EYS: variants seen among roughly 807,000 people sequenced by gnomAD.
The protein encoded by EYS is EGF-like photoreceptor maintenance factor.
In EYS, 250 loss-of-function variants were observed where a neutral mutation model predicts 282.1. The ratio of observed to expected loss-of-function variants is 0.89; its 90% CI spans 0.80 to 0.98. The LOEUF (loss-of-function observed/expected upper bound fraction) is 0.98. Ranked by LOEUF, EYS falls within the 50% of genes least tolerant of loss-of-function variation. The probability of loss-of-function intolerance (pLI) is 0.00; values close to 1 mark genes in which losing one functional copy is unlikely to be tolerated. For missense variants in EYS, 4,016 were observed against 3,709.0 expected (o/e 1.08, Z -2.15); for synonymous variants, 1,355 against 1,282.9 (o/e 1.06, Z -1.20).
At chr6:63,765,774 A>G (rs1361896525) in intron 40 of EYS, among the ~76,000 whole-genome samples, 1 of 151,992 alleles carries the variant, frequency 6.6e-6, no homozygotes, top group Non-Finnish European at 1.5e-5. Context: ...GTACCCATTA[A>G]CCATCCCCAC....
chr6:64,047,209 AATTAT>A (rs1231339850), intron 33 of EYS, among the ~76,000 whole-genome samples: 3 of 152,124 alleles, frequency 2.0e-5, no homozygotes, highest in Admixed American at 1.3e-4. Context: ...AAATTGTGGT[AATTAT>A]ATTATAAACT....
chr6:64,078,135 A>G (rs1232805812), intron 32 of EYS, among the ~76,000 whole-genome samples: 1 of 152,056 alleles, frequency 6.6e-6, no homozygotes, highest in Admixed American at 6.6e-5. Flanking sequence ...TCAGCCTGAT[A>G]GTTCTCTATC....
intron 22 of EYS, among the ~76,000 whole-genome samples, chr6:64,789,001 C>G (rs1774102922): frequency 1.3e-5 from 2 of 152,116 alleles, no homozygotes; most frequent in Non-Finnish European, 2.9e-5. Context: ...TTCAGCACCC[C>G]CATCCAGTTA....
chr6:65,075,130 A>C (rs894065346), intron 12 of EYS, among the ~76,000 whole-genome samples: 2 of 152,002 alleles, frequency 1.3e-5, no homozygotes, highest in African/African-American at 4.8e-5. Context: ...TTTTAAGTTG[A>C]GAACATGAGT....
intron 2 of EYS, 29 bp from the exon 3 acceptor site, chr6:65,496,022 T>C (rs986371975): frequency 1.3e-5 from 2 of 152,344 alleles, no homozygotes; most frequent in African/African-American, 4.8e-5. Flanking sequence ...TAAACACCAT[T>C]TAAACATATT....
chr6:64,725,823 CCTT>C (rs141306837), intron 22 of EYS, among the ~76,000 whole-genome samples: 2,309 of 152,114 alleles, frequency 0.015, 56 homozygotes, highest in African/African-American at 0.052. Flanking sequence ...CAAGCTTTTT[CCTT>C]CTTCTGTTTT....
At chr6:64,045,433 TTTTA>T (rs1281729145) in intron 33 of EYS, among the ~76,000 whole-genome samples, 108 of 147,534 alleles carry the variant, frequency 7.3e-4, no homozygotes, top group African/African-American at 1.8e-3. Context: ...TTTTATTTTA[TTTTA>T]TTTATTTTAT....
intron 22 of EYS, among the ~76,000 whole-genome samples, chr6:64,752,700 G>C: frequency 6.6e-6 from 1 of 152,044 alleles, no homozygotes; most frequent in East Asian, 1.9e-4. Flanking sequence ...AAGACATATA[G>C]TTACTAGGCA....
intron 23 of EYS, among the ~76,000 whole-genome samples, chr6:64,622,446 G>A (rs781716319): frequency 6.6e-6 from 1 of 152,092 alleles, no homozygotes; most frequent in Non-Finnish European, 1.5e-5. Context: ...TTATATCCAG[G>A]TTAAATTTCA....
At chr6:65,556,191 T>G (rs911827026) in intron 2 of EYS, among the ~76,000 whole-genome samples, 1 of 152,192 alleles carries the variant, frequency 6.6e-6, no homozygotes, top group Non-Finnish European at 1.5e-5. Context: ...AACTCTTAAG[T>G]TGGGTGCAGT....
At chr6:64,651,446 G>A in intron 22 of EYS, among the ~76,000 whole-genome samples, 1 of 152,058 alleles carries the variant, frequency 6.6e-6, no homozygotes, top group East Asian at 1.9e-4. Flanking sequence ...GAGAGGGAGA[G>A]GGAAGAGAGA....
intron 2 of EYS, among the ~76,000 whole-genome samples, chr6:65,500,824 T>G (rs1314068085): frequency 6.6e-6 from 1 of 151,882 alleles, no homozygotes; most frequent in African/African-American, 2.4e-5. Context: ...TTGTAGGGAA[T>G]GTGCAAGGGT....
At chr6:64,565,515 G>C (rs1481118740) in intron 26 of EYS, among the ~76,000 whole-genome samples, 1 of 152,028 alleles carries the variant, frequency 6.6e-6, no homozygotes, top group Admixed American at 6.5e-5. Context: ...AATAGACACA[G>C]ACAAAACCAT....
At chr6:63,768,860 G>C (rs768401491) in intron 40 of EYS, among the ~76,000 whole-genome samples, 6 of 152,042 alleles carry the variant, frequency 3.9e-5, no homozygotes, top group Non-Finnish European at 7.4e-5. Context: ...AGAGAATGTG[G>C]TACATATATA....
intron 34 of EYS, among the ~76,000 whole-genome samples, chr6:63,996,935 T>C (rs1023219912): frequency 6.6e-6 from 1 of 152,162 alleles, no homozygotes; most frequent in Non-Finnish European, 1.5e-5. Context: ...CAACCTAGAA[T>C]ATCACATTTG....
chr6:64,031,557 A>T, intron 33 of EYS, among the ~76,000 whole-genome samples: 1 of 152,244 alleles, frequency 6.6e-6, no homozygotes, highest in East Asian at 1.9e-4. Context: ...GCCCGGTGCA[A>T]GATCCACTGG....
At chr6:64,931,486 G>T (rs529428891) in intron 15 of EYS, among the ~76,000 whole-genome samples, 9 of 152,052 alleles carry the variant, frequency 5.9e-5, no homozygotes, top group African/African-American at 2.2e-4. Flanking sequence ...ATTATAAAGA[G>T]ATGATCAAAA....
intron 22 of EYS, among the ~76,000 whole-genome samples, chr6:64,809,444 A>C (rs546674638): frequency 4.3e-4 from 65 of 152,222 alleles, no homozygotes; most frequent in Middle Eastern, 3.4e-3. Context: ...AACTAGATAA[A>C]AGTTTGAGAA....
Position 65,445,179 on chromosome 6 carries a change from T to C in EYS, c.863-39812A>G, listed in dbSNP as rs1352700306. Among the ~76,000 whole-genome samples, 5 of 152,002 alleles carry C rather than the reference T, an allele frequency of 3.3e-5. No homozygotes were observed. In the East Asian group the frequency reaches 9.7e-4, roughly 29 times the overall value. On this transcript the variant is annotated intron_variant, in intron 5 of 42. Transcript: ENST00000503581. ...TTTATGGTTATTTAAGTGTTCCTAG[T>C]ATGACAAGCCAAAGGTCTAGGTTCA...
Sources: gnomAD v4.1 joint callset for allele counts (sites outside exome capture counted in the v4.1 genomes callset) on GRCh38, gnomAD v4.1.1 for gene constraint, MANE v1.5 for transcripts, NCBI Gene and HGNC (gene_info 2026-07-23, HGNC 2026-07-21) for gene names.